The following RCBTB2 variants were observed in gnomAD, a reference collection of about 807,000 sequenced individuals.
The protein encoded by RCBTB2 is RCC1 and BTB domain containing protein 2.
RCBTB2 carries 55 observed loss-of-function variants against 65.4 expected under a neutral mutation model. The observed-to-expected ratio is 0.84, with a 90% CI of 0.68 to 1.05. RCBTB2 has a LOEUF of 1.05. RCBTB2 is among the 50% of genes least tolerant of loss of function. RCBTB2 has a pLI of 0.00. For synonymous variants in RCBTB2, 220 were observed against 255.2 expected, an observed-to-expected ratio of 0.86 and a Z score of 1.31; for missense variants, 599 against 680.1, an observed-to-expected ratio of 0.88 and a Z score of 1.33.
At chr13:48,527,459 T>C (rs1400364337) in intron 1 of RCBTB2, among the ~76,000 whole-genome samples, 1 of 146,688 alleles carries the variant, frequency 6.8e-6, no homozygotes, top group Non-Finnish European at 1.5e-5. Flanking sequence ...TATTAAAATG[T>C]AACCTAAAAC....
intron 14 of RCBTB2, among the ~76,000 whole-genome samples, chr13:48,491,153 A>G (rs143013589): frequency 1.8e-3 from 269 of 152,318 alleles, no homozygotes; most frequent in African/African-American, 5.8e-3. Context: ...AAAGCCCCAA[A>G]TACTTTCTAA....
chr13:48,528,783 G>A (rs1227753793), intron 1 of RCBTB2, among the ~76,000 whole-genome samples: 1 of 152,072 alleles, frequency 6.6e-6, no homozygotes, highest in Non-Finnish European at 1.5e-5. Context: ...TAAAATCAAT[G>A]ACAAGTAACA....
At chr13:48,504,236 C>T in intron 10 of RCBTB2, 3 of 985,424 alleles carry the variant, frequency 3.0e-6, no homozygotes, top group Non-Finnish European at 3.6e-6. Context: ...ACAGTGCTGG[C>T]AGGTTAATCA....
At chr13:48,502,243 C>T (rs1950269700) in intron 11 of RCBTB2, among the ~76,000 whole-genome samples, 1 of 152,156 alleles carries the variant, frequency 6.6e-6, no homozygotes, top group African/African-American at 2.4e-5. Flanking sequence ...GATCCCAACA[C>T]TTTGGCAGGG....
intron 4 of RCBTB2, among the ~76,000 whole-genome samples, chr13:48,521,418 T>A (rs984192582): frequency 6.6e-6 from 1 of 152,232 alleles, no homozygotes; most frequent in Non-Finnish European, 1.5e-5. Context: ...TGCAGGAAGA[T>A]GTGAGGCTTT....
At chr13:48,533,821 T>C (rs1283661273), upstream of RCBTB2, among the ~76,000 whole-genome samples, 1 of 152,230 alleles carries the variant, frequency 6.6e-6, no homozygotes, top group African/African-American at 2.4e-5. Context: ...TGAGTGGGTT[T>C]TGGTTAAATG....
intron 14 of RCBTB2, among the ~76,000 whole-genome samples, chr13:48,494,071 T>A (rs1046888060): frequency 6.6e-6 from 1 of 152,232 alleles, no homozygotes; most frequent in Non-Finnish European, 1.5e-5. Flanking sequence ...AGTTTACTAG[T>A]TTACTCAGAT....
In RCBTB2 at chr13:48,489,152, T is replaced by G. The variant is rs567206663; in HGVS notation, c.*959A>C. 1 of 152,356 alleles carries G rather than the reference T, an allele frequency of 6.6e-6. No homozygotes were observed. Among genetic ancestry groups the G allele is most frequent in the African/African-American group, 2.4e-5 (1 of 41,578 alleles). The allele number at this position is 152,356 out of a possible 1,614,324, so 9.4% of individuals were successfully genotyped here. A position where few individuals can be genotyped will look rare whatever the true frequency, so the allele number is the denominator to read the frequency against. Reference sequence around the variant, plus strand: ...TTGTTTTGATCTAAAAAGTACAAATTTATCTCATTCTTGTTAATGCTGTCC... The same window carrying G: ...TTGTTTTGATCTAAAAAGTACAAATGTATCTCATTCTTGTTAATGCTGTCC... On this transcript the variant is annotated 3_prime_UTR_variant, in exon 15 of 15. Coordinates refer to ENST00000344532, the MANE Select transcript of RCBTB2 (RefSeq NM_001268.4).
At chr13:48,527,351 T>TATCA (rs1951829264) in intron 1 of RCBTB2, among the ~76,000 whole-genome samples, 3 of 120,624 alleles carry the variant, frequency 2.5e-5, no homozygotes, top group African/African-American at 1.6e-4. Context: ...TATATATATA[T>TATCA]GATATATATT....
intron 9 of RCBTB2, among the ~76,000 whole-genome samples, chr13:48,511,108 G>A (rs1593702473): frequency 6.6e-6 from 1 of 152,070 alleles, no homozygotes; most frequent in East Asian, 1.9e-4. Flanking sequence ...TGTTCAATTT[G>A]AAAAATATAG....
intron 10 of RCBTB2, among the ~76,000 whole-genome samples, chr13:48,509,994 G>C (rs1950695090): frequency 6.6e-6 from 1 of 152,246 alleles, no homozygotes; most frequent in African/African-American, 2.4e-5. Context: ...TGGAAAGGCA[G>C]TGATCTGACC....
chr13:48,507,131 G>A (rs968562273), intron 10 of RCBTB2, among the ~76,000 whole-genome samples: 8 of 152,240 alleles, frequency 5.3e-5, no homozygotes, highest in Non-Finnish European at 7.3e-5. Context: ...TGCCCGTCCC[G>A]GGGCATGGCC....
In RCBTB2 at chr13:48,511,750, C is replaced by G; in HGVS notation, c.783+20G>C. ...GCGAAGACTTAAAAATACACGCACA[C>G]AAACTGACAGTGGACGTACCCTCTG... is the stretch of plus-strand genomic sequence containing the variant. On this transcript the variant is annotated intron_variant, in intron 9 of 14. Coordinates refer to ENST00000344532, the MANE Select transcript of RCBTB2 (RefSeq NM_001268.4). 6.2e-7 allele frequency: 1 copy of G among 1,600,134 alleles called. No individual in the cohort carries two copies.
At chr13:48,502,132 T>G (rs9332044) in intron 11 of RCBTB2, among the ~76,000 whole-genome samples, 4,133 of 152,192 alleles carry the variant, frequency 0.027, 170 homozygotes, top group African/African-American at 0.09. Context: ...GCATGAAATT[T>G]TAAACATTTG....
intron 13 of RCBTB2, among the ~76,000 whole-genome samples, chr13:48,499,141 C>T (rs958633764): frequency 2.1e-5 from 3 of 145,362 alleles, no homozygotes; most frequent in Non-Finnish European, 4.6e-5. Flanking sequence ...CACACACACA[C>T]ACTCTCTCTC....
intron 13 of RCBTB2, 135 bp downstream of exon 13, chr13:48,499,486 G>A (rs532156857): frequency 1.8e-5 from 16 of 865,268 alleles, no homozygotes; most frequent in South Asian, 6.8e-5. Context: ...CAAGGGAAAC[G>A]TGTTTGGATT....
At chr13:48,530,748 A>G (rs1952068292) in intron 1 of RCBTB2, among the ~76,000 whole-genome samples, 1 of 152,264 alleles carries the variant, frequency 6.6e-6, no homozygotes, top group Non-Finnish European at 1.5e-5. Flanking sequence ...TCTTCCTTGT[A>G]AAAGTCCAGT....
intron 13 of RCBTB2, among the ~76,000 whole-genome samples, chr13:48,498,387 T>C (rs940117612): frequency 6.6e-6 from 1 of 152,156 alleles, no homozygotes; most frequent in African/African-American, 2.4e-5. Context: ...AGGTCTCCAT[T>C]TGGAGTCTTG....
intron 4 of RCBTB2, among the ~76,000 whole-genome samples, chr13:48,520,477 A>G (rs890343169): frequency 1.3e-5 from 2 of 152,208 alleles, no homozygotes; most frequent in Admixed American, 6.5e-5. Flanking sequence ...TGCAAATAAC[A>G]CTACTGCAGG....
Sources: allele counts gnomAD v4.1 joint callset (sites outside exome capture counted in the v4.1 genomes callset), GRCh38; gene constraint gnomAD v4.1.1; transcripts MANE v1.5; gene names NCBI Gene and HGNC (gene_info 2026-07-23, HGNC 2026-07-21).